Variants in ASMT observed in about 807,000 individuals in gnomAD.
ASMT encodes the protein acetylserotonin N-methyltransferase.
Under a neutral mutation model 41.3 loss-of-function variants are expected in ASMT, and 53 were observed. That is an observed-to-expected ratio of 1.28 (90% CI 1.03 to 1.61). The LOEUF is 1.61. ASMT is among the 40% of genes most tolerant of loss of function. ASMT has a pLI of 0.00. For synonymous variants in ASMT, 231 were observed against 184.8 expected, an observed-to-expected ratio of 1.25 and a Z score of -2.03; for missense variants, 531 against 441.3, an observed-to-expected ratio of 1.20 and a Z score of -1.82.
At chrX:1,642,729 A>C in intron 8 of ASMT, 74 bp from the exon 9 acceptor site, 1 of 1,411,808 alleles carries the variant, frequency 7.1e-7, no homozygotes, top group South Asian at 1.2e-5. Context: ...GGCTGTCCTT[A>C]TGGTTCACTG....
rs377254547 is a variant in ASMT, at chrX:1,634,675, GT to G, written c.787+1392del. On this transcript the variant is annotated intron_variant, in intron 7 of 8. Coordinates refer to ENST00000381241, the MANE Select transcript of ASMT (RefSeq NM_001171038.2). Reference sequence around the variant, plus strand: ...TTAACCCCCCCCCTTTTTTTTTCTTGTTTTTTTGAGACGGAGTCTCACTCTG... The same window carrying G: ...TTAACCCCCCCCCTTTTTTTTTCTTGTTTTTTGAGACGGAGTCTCACTCTG... Among the ~76,000 whole-genome samples, 257 of 137,434 alleles carry G rather than the reference GT, an allele frequency of 1.9e-3. 2 individuals are homozygous for G. Among genetic ancestry groups the G allele is most frequent in the African/African-American group, 6.2e-3 (226 of 36,256 alleles). 90.2% of individuals were successfully genotyped at this position (137,434 alleles called of 152,430 possible).
chrX:1,623,363 C>T (rs1266028332), intron 2 of ASMT, 50 bp downstream of exon 2: 1 of 1,602,642 alleles, frequency 6.2e-7, no homozygotes, highest in South Asian at 1.1e-5. Context: ...ACACCCTCTG[C>T]AGCCCACGTG....
chrX:1,623,361 T>C, intron 2 of ASMT, 48 bp downstream of exon 2: 1 of 1,606,120 alleles, frequency 6.2e-7, no homozygotes, highest in Non-Finnish European at 8.5e-7. Flanking sequence ...AGACACCCTC[T>C]GCAGCCCACG....
At position 1,636,481 on chromosome X, in the gene ASMT, C is replaced by T. The variant is rs1237442835; in HGVS notation, c.831C>T (p.Ile277=). The T allele has an allele frequency of 3.1e-6, 5 of 1,613,890 alleles. No homozygotes were observed. Among genetic ancestry groups the T allele is most frequent in the South Asian group, 2.2e-5 (2 of 91,068 alleles). Reference sequence around the variant, plus strand: ...CTCTTCCGGAAGCTGATCTGTACATCCTGGCCAGGGTCCTCCATGACTGGG... The same window carrying T: ...CTCTTCCGGAAGCTGATCTGTACATTCTGGCCAGGGTCCTCCATGACTGGG... ...KDPLPEADLY[I]LARVLHDWAD... Residue 277 remains isoleucine, a synonymous_variant, in exon 8 of 9, where the codon ATC becomes ATT. Coordinates refer to ENST00000381241, the MANE Select transcript of ASMT (RefSeq NM_001171038.2).
At chrX:1,632,397 A>G (rs1442999217) in intron 5 of ASMT, among the ~76,000 whole-genome samples, 2 of 152,174 alleles carry the variant, frequency 1.3e-5, no homozygotes, top group South Asian at 4.1e-4. Context: ...CACGCCTGTC[A>G]TCCCAGCACT....
At chrX:1,642,414 G>A (rs866625737) in intron 8 of ASMT, among the ~76,000 whole-genome samples, 2 of 150,902 alleles carry the variant, frequency 1.3e-5, no homozygotes, top group South Asian at 2.1e-4. Context: ...TCATGAGGAC[G>A]TGGGCTCAGC....
At chrX:1,618,164 T>C (rs1204931513) in intron 1 of ASMT, among the ~76,000 whole-genome samples, 2 of 151,840 alleles carry the variant, frequency 1.3e-5, no homozygotes, top group Admixed American at 6.6e-5. Context: ...TTTATTTTTA[T>C]TTTTATTTAT....
rs757879573 is a variant in ASMT, at chrX:1,637,283, T to C, written c.910+723T>C. On this transcript the variant is annotated intron_variant, in intron 8 of 8. Coordinates refer to ENST00000381241, the MANE Select transcript of ASMT (RefSeq NM_001171038.2). ...GTGTCCCAGTGTCCTGTGAGATCCATCCCTCCTGATGGTTCATGAGGATGT... is the reference window on the plus strand; with the variant it reads ...GTGTCCCAGTGTCCTGTGAGATCCACCCCTCCTGATGGTTCATGAGGATGT... 4.8e-3 allele frequency among the ~76,000 whole-genome samples: 16 copies of C among 3,364 alleles called. 6 individuals carry two copies. The highest frequency in any genetic ancestry group is 0.011 in the African/African-American group (11 of 962). The allele number at this position is 3,364 out of a possible 152,430, so 2.2% of individuals were successfully genotyped here.
At position 1,624,267 on chromosome X, in the gene ASMT, A is replaced by G. The variant is rs370860679; in HGVS notation, c.245-2A>G. ...TTCCCTGTTTTTTTGTGTGTGTTTC[A>G]GCTTTCTATCGAAACACAGAGCTGT... On this transcript the variant is annotated splice_acceptor_variant, in intron 2 of 8. Transcript: ENST00000381241. LOFTEE classifies it high-confidence loss of function. The G allele has an allele frequency of 6.2e-7, 1 of 1,613,916 alleles. No homozygotes were observed. Among genetic ancestry groups the G allele is most frequent in the South Asian group, 1.1e-5 (1 of 91,082 alleles).
intron 5 of ASMT, 139 bp downstream of exon 5, chrX:1,630,078 C>T: frequency 1.2e-6 from 1 of 829,062 alleles, no homozygotes; most frequent in Non-Finnish European, 2.1e-6. Context: ...ATCATTCCTC[C>T]CAGCACTGGG....
At chrX:1,617,263 A>G (rs1934169385) in intron 1 of ASMT, among the ~76,000 whole-genome samples, 1 of 151,692 alleles carries the variant, frequency 6.6e-6, no homozygotes, top group African/African-American at 2.4e-5. Context: ...TGAGGTCAGG[A>G]GTTCAAGACC....
At chrX:1,627,937 T>C in intron 4 of ASMT, 166 bp downstream of exon 4, 3 of 460,622 alleles carry the variant, frequency 6.5e-6, no homozygotes, top group East Asian at 3.3e-5. Flanking sequence ...ATTTTGCTCA[T>C]CTGATGTTTA....
intron 6 of ASMT, 79 bp from the exon 7 acceptor site, chrX:1,633,071 T>C: frequency 6.4e-7 from 1 of 1,559,384 alleles, no homozygotes; most frequent in Non-Finnish European, 8.8e-7. Context: ...GGACCCTTCA[T>C]GAGTCCATGG....
chrX:1,636,335 G>A, intron 7 of ASMT, 103 bp from the exon 8 acceptor site: 3 of 1,551,812 alleles, frequency 1.9e-6, no homozygotes, highest in Non-Finnish European at 2.7e-6. Flanking sequence ...GGAAGACCTG[G>A]GAAAGGCGTG....
intron 8 of ASMT, 95 bp downstream of exon 8, chrX:1,636,655 A>T: frequency 6.3e-7 from 1 of 1,593,762 alleles, no homozygotes; most frequent in Non-Finnish European, 8.6e-7. Flanking sequence ...ATCATCCCAC[A>T]GGTAAGGGTA....
chrX:1,623,190 C>A lies in ASMT; in HGVS notation c.121C>A (p.Pro41Thr). 1.9e-6 allele frequency: 3 copies of A among 1,613,316 alleles called. No individual in the cohort carries two copies. Among genetic ancestry groups the A allele is most frequent in the Non-Finnish European group, 2.5e-6 (3 of 1,179,836 alleles). Reference sequence around the variant, plus strand: ...CGTGTTTGACCTTCTCGCCGAGGCCCCAGGGCCCCTGGACGTGGCGGCAGT... The same window carrying A: ...CGTGTTTGACCTTCTCGCCGAGGCCACAGGGCCCCTGGACGTGGCGGCAGT... ...LGVFDLLAEA[P>T]GPLDVAAVAA... Residue 41 changes from proline (P) to threonine (T), a missense_variant, in exon 2 of 9, where the codon CCA (proline) becomes ACA (threonine). Pro to Thr is a conservative substitution (Grantham distance 38). Transcript: ENST00000381241.
chrX:1,623,432 TA>T (rs1184252455), intron 2 of ASMT, 119 bp downstream of exon 2: 195 of 1,301,512 alleles, frequency 1.5e-4, no homozygotes, highest in Middle Eastern at 2.4e-4. Context: ...CCGTCTCTAC[TA>T]AAAAAAATAC....
In ASMT at chrX:1,615,246, C is replaced by G. The variant is rs1219872516; in HGVS notation, c.47C>G (p.Ala16Gly). Residue 16 changes from alanine (A) to glycine (G), a missense_variant, in exon 1 of 9, where the codon GCC becomes GGC. Physicochemically the swap from Ala to Gly is moderately conservative, Grantham distance 60. Coordinates refer to ENST00000381241, the MANE Select transcript of ASMT (RefSeq NM_001171038.2). ...GCCTATCGCCTCCTTAATGACTACG[C>G]CAACGGCTTCATGGTGTCCCAGGTA... ...DQAYRLLNDY[A>G]NGFMVSQVLF... 6 of 1,596,692 alleles carry G rather than the reference C, an allele frequency of 3.8e-6. No individual in the cohort carries two copies. Among genetic ancestry groups the G allele is most frequent in the East Asian group, 2.3e-5 (1 of 44,290 alleles).
At chrX:1,630,525 T>G (rs1279825834) in intron 5 of ASMT, among the ~76,000 whole-genome samples, 4 of 152,036 alleles carry the variant, frequency 2.6e-5, no homozygotes, top group Non-Finnish European at 5.9e-5. Flanking sequence ...CAGGCTGGTC[T>G]CGAACTCCTG....
Sources: gnomAD v4.1 joint callset for allele counts (sites outside exome capture counted in the v4.1 genomes callset) on GRCh38, gnomAD v4.1.1 for gene constraint, MANE v1.5 for transcripts, NCBI Gene and HGNC (gene_info 2026-07-23, HGNC 2026-07-21) for gene names.